Variants in ETV6 observed in about 807,000 individuals in gnomAD.
The protein encoded by ETV6 is ETS variant transcription factor 6.
ETV6 carries 16 observed loss-of-function variants against 51.1 expected under a neutral mutation model. That is an observed-to-expected ratio of 0.31 (90% CI 0.21 to 0.48). The LOEUF (loss-of-function observed/expected upper bound fraction) is 0.48. Ranked by LOEUF, ETV6 falls within the 20% of genes least tolerant of loss-of-function variation. The pLI, the probability that ETV6 is intolerant of heterozygous loss-of-function variation, is 0.99. For missense variants in ETV6, 458 were observed against 594.8 expected (o/e 0.77, Z 2.39); for synonymous variants, 240 against 224.1 (o/e 1.07, Z -0.64).
At chr12:11,890,333 T>C (rs954655267) in intron 7 of ETV6, among the ~76,000 whole-genome samples, 2 of 151,968 alleles carry the variant, frequency 1.3e-5, no homozygotes, top group Non-Finnish European at 2.9e-5. Context: ...AAAGAACATA[T>C]ATACATGGTC....
chr12:11,887,974 G>A (rs1209604683), intron 7 of ETV6, among the ~76,000 whole-genome samples: 1 of 150,494 alleles, frequency 6.6e-6, no homozygotes, highest in African/African-American at 2.5e-5. Context: ...TTCCCAGAAG[G>A]GACTGTTGCC....
chr12:11,662,325 G>A (rs1864115226), intron 1 of ETV6, among the ~76,000 whole-genome samples: 1 of 152,228 alleles, frequency 6.6e-6, no homozygotes. Context: ...GAAAGGCCTT[G>A]TTATTGCAGC....
intron 4 of ETV6, among the ~76,000 whole-genome samples, chr12:11,864,905 C>T (rs1030716415): frequency 3.3e-5 from 5 of 152,196 alleles, no homozygotes; most frequent in Non-Finnish European, 7.3e-5. Context: ...CTCTCTCCTT[C>T]ACCATCCCAG....
At chr12:11,678,866 A>G (rs1271716120) in intron 1 of ETV6, among the ~76,000 whole-genome samples, 1 of 152,180 alleles carries the variant, frequency 6.6e-6, no homozygotes, top group Non-Finnish European at 1.5e-5. Flanking sequence ...GGGGAAAAAA[A>G]GGGAGTGACT....
chr12:11,761,684 C>T (rs879556527), intron 2 of ETV6, among the ~76,000 whole-genome samples: 3 of 152,176 alleles, frequency 2.0e-5, no homozygotes, highest in Admixed American at 2.0e-4. Flanking sequence ...AGAGAACATG[C>T]TCTTGTAGGG....
At chr12:11,751,049 G>A (rs1190841995) in intron 1 of ETV6, among the ~76,000 whole-genome samples, 1 of 152,068 alleles carries the variant, frequency 6.6e-6, no homozygotes, top group Non-Finnish European at 1.5e-5. Flanking sequence ...TGTTTAAACA[G>A]AAATATTCCA....
intron 3 of ETV6, among the ~76,000 whole-genome samples, chr12:11,846,642 G>A (rs892498572): frequency 6.6e-6 from 1 of 151,976 alleles, no homozygotes; most frequent in Non-Finnish European, 1.5e-5. Flanking sequence ...TCTATTTATA[G>A]TAGTTAAAAA....
At chr12:11,713,926 GA>G (rs1257217089) in intron 1 of ETV6, among the ~76,000 whole-genome samples, 4 of 152,188 alleles carry the variant, frequency 2.6e-5, no homozygotes, top group Non-Finnish European at 5.9e-5. Context: ...CCAAGCTTGA[GA>G]ACCAGTGTTC....
intron 4 of ETV6, among the ~76,000 whole-genome samples, chr12:11,855,078 G>A (rs538091552): frequency 3.3e-5 from 5 of 150,906 alleles, no homozygotes; most frequent in South Asian, 2.1e-4. Context: ...GGCGGATCAC[G>A]AGGTCAGGAG....
At chr12:11,776,286 T>A (rs894158032) in intron 2 of ETV6, among the ~76,000 whole-genome samples, 13 of 130,718 alleles carry the variant, frequency 9.9e-5, no homozygotes, top group African/African-American at 3.2e-4. Context: ...AGACCTGACT[T>A]ACACCTTGGC....
Position 11,861,441 on chromosome 12 carries a change from G to A in ETV6, c.463+7880G>A, listed in dbSNP as rs181447563. ...TGCAGCATGTGTTTTGTGACGGAGT[G>A]TAGGGACTGGATTGTGCAGAGACCC... On this transcript the variant is annotated intron_variant, in intron 4 of 7. Coordinates refer to ENST00000396373, the MANE Select transcript of ETV6 (RefSeq NM_001987.5). Among the ~76,000 whole-genome samples, 251 of 152,268 alleles carry A rather than the reference G, an allele frequency of 1.6e-3. 1 individual carries two copies. The highest frequency in any genetic ancestry group is 5.5e-3 in the African/African-American group (229 of 41,542).
At chr12:11,764,278 G>A (rs1945131806) in intron 2 of ETV6, among the ~76,000 whole-genome samples, 1 of 152,204 alleles carries the variant, frequency 6.6e-6, no homozygotes, top group South Asian at 2.1e-4. Context: ...GGCCTTCTCT[G>A]TGGATAAGAC....
intron 2 of ETV6, among the ~76,000 whole-genome samples, chr12:11,784,862 A>ATTTTTTTTTTTTTTTTTTTTT (rs34004409): frequency 3.5e-5 from 3 of 85,758 alleles, no homozygotes; most frequent in African/African-American, 1.4e-4. Context: ...TGCCTTGCTA[A>ATTTTTTTTTTTTTTTTTTTTT]TTTTTTTTTT....
chr12:11,654,674 G>C (rs1565474323), intron 1 of ETV6, among the ~76,000 whole-genome samples: 1 of 152,044 alleles, frequency 6.6e-6, no homozygotes, highest in Non-Finnish European at 1.5e-5. Context: ...GAGAGAAGAA[G>C]GGCCTGACGG....
chr12:11,728,893 T>C (rs1364232650), intron 1 of ETV6, among the ~76,000 whole-genome samples: 1 of 152,266 alleles, frequency 6.6e-6, no homozygotes, highest in Non-Finnish European at 1.5e-5. Flanking sequence ...TTCAAGTCTT[T>C]AGCCGTATAC....
At chr12:11,866,468 A>G (rs747420839) in intron 4 of ETV6, among the ~76,000 whole-genome samples, 2 of 152,216 alleles carry the variant, frequency 1.3e-5, no homozygotes, top group Non-Finnish European at 1.5e-5. Flanking sequence ...ATTGTGTTCT[A>G]TTCCACTGAA....
intron 1 of ETV6, among the ~76,000 whole-genome samples, chr12:11,731,547 T>C (rs1298417252): frequency 6.6e-6 from 1 of 152,262 alleles, no homozygotes; most frequent in Non-Finnish European, 1.5e-5. Flanking sequence ...AAAGAATAAT[T>C]TTTTTTCTTC....
chr12:11,814,400 C>T (rs557174733), intron 2 of ETV6, among the ~76,000 whole-genome samples: 216 of 152,058 alleles, frequency 1.4e-3, no homozygotes, highest in African/African-American at 5.0e-3. Context: ...ACAGATCATT[C>T]GATCTCAAAC....
rs12578955 is a variant in ETV6 at position 11,869,164 on chromosome 12, A to T, written c.464-260A>T. ...GGCCGGAGAATGGCATGAACCCGGG[A>T]GGCAGAGCTTGCAGTGAGCCGAGAT... On this transcript the variant is annotated intron_variant, in intron 4 of 7. Transcript: ENST00000396373. The surrounding 1 kb of genome is among the most constrained non-coding windows in gnomAD (Gnocchi z 5.0). 0.41 allele frequency among the ~76,000 whole-genome samples: 62,626 copies of T among 151,178 alleles called. 14,613 individuals are homozygous for T. Among genetic ancestry groups the T allele is most frequent in the South Asian group, 0.58 (2,788 of 4,780 alleles).
Sources: allele counts gnomAD v4.1 joint callset (sites outside exome capture counted in the v4.1 genomes callset), GRCh38; gene constraint gnomAD v4.1.1; non-coding constraint Gnocchi (gnomAD v3.1); transcripts MANE v1.5; gene names NCBI Gene and HGNC (gene_info 2026-07-23, HGNC 2026-07-21).